The following PCDHGB4 variants were observed in gnomAD, a reference collection of about 807,000 sequenced individuals.
PCDHGB4 encodes the protein protocadherin gamma-B4.
A neutral mutation model predicts 60.5 loss-of-function variants in PCDHGB4; 38 were observed. The observed-to-expected ratio is 0.63, with a 90% confidence interval of 0.48 to 0.82. The LOEUF (loss-of-function observed/expected upper bound fraction) is 0.82. Among genes scored for constraint, PCDHGB4 ranks in the 40% least tolerant of loss-of-function variants. The probability of loss-of-function intolerance (pLI) is 0.00; values close to 1 mark genes in which losing one functional copy is unlikely to be tolerated. For missense variants in PCDHGB4, 1,109 were observed against 1,209.6 expected (o/e 0.92, Z 1.23); for synonymous variants, 456 against 509.7 (o/e 0.89, Z 1.42).
At chr5:141,427,957 C>A in intron 1 of PCDHGB4, 2 of 1,588,400 alleles carry the variant, frequency 1.3e-6, no homozygotes, top group Non-Finnish European at 1.7e-6. Flanking sequence ...GACAATGTGC[C>A]GCGGGTGCTG....
At position 141,393,264 on chromosome 5, in the gene PCDHGB4, C is replaced by G. The variant is rs537186931; in HGVS notation, c.2397+2983C>G. The G allele has an allele frequency of 1.1e-4, 170 of 1,613,916 alleles. 3 individuals carry two copies. The South Asian group carries it at 1.8e-3, about 17-fold the overall frequency. On this transcript the variant is annotated intron_variant, in intron 1 of 3. Coordinates refer to ENST00000519479, the MANE Select transcript of PCDHGB4 (RefSeq NM_003736.4). ...TAACGAAATCGCGGTTCCTGGAGCA[C>G]GTTATCCACTCCCAGAAGCTGTTGA...
intron 1 of PCDHGB4, among the ~76,000 whole-genome samples, chr5:141,405,996 G>A (rs2094743914): frequency 6.6e-6 from 1 of 151,746 alleles, no homozygotes; most frequent in Non-Finnish European, 1.5e-5. Flanking sequence ...GTAGCTCTCA[G>A]CCTGCATTGA....
chr5:141,423,238 G>C (rs765040062), intron 1 of PCDHGB4: 4 of 1,613,778 alleles, frequency 2.5e-6, no homozygotes, highest in South Asian at 2.2e-5. Context: ...CAGCATCCCC[G>C]AAGTCCTGGC....
intron 2 of PCDHGB4, among the ~76,000 whole-genome samples, chr5:141,502,759 C>T (rs535899844): frequency 9.9e-5 from 15 of 152,130 alleles, no homozygotes; most frequent in African/African-American, 3.6e-4. Context: ...CATGTATTTG[C>T]TGGTATTCTT....
intron 1 of PCDHGB4, chr5:141,418,015 G>C: frequency 6.2e-7 from 1 of 1,613,964 alleles, no homozygotes; most frequent in Non-Finnish European, 8.5e-7. Context: ...ACCTCGCTAA[G>C]GATCTAGGGC....
intron 1 of PCDHGB4, chr5:141,393,114 CG>C: frequency 6.2e-7 from 1 of 1,613,418 alleles, no homozygotes; most frequent in Non-Finnish European, 8.5e-7. Flanking sequence ...TCAGAGCCCG[CG>C]GTGTCTGATA....
At chr5:141,419,523 G>C in intron 1 of PCDHGB4, 1 of 1,612,204 alleles carries the variant, frequency 6.2e-7, no homozygotes, top group Non-Finnish European at 8.5e-7. Flanking sequence ...GTGGGCGACC[G>C]TAACGACAAC....
At position 141,419,598 on chromosome 5, in the gene PCDHGB4, G is replaced by A. The variant is rs1466867194; in HGVS notation, c.2397+29317G>A. On this transcript the variant is annotated intron_variant, in intron 1 of 3. Transcript: ENST00000519479. ...TCCGCGCTCTTCGACACAGTGCCGC[G>A]GGCCGCGCAGCCAGGCTACCTGGTG... 21 of 1,611,674 alleles carry A rather than the reference G, an allele frequency of 1.3e-5. No individual in the cohort carries two copies. In the South Asian group the frequency reaches 1.3e-4, roughly 10 times the overall value.
intron 2 of PCDHGB4, among the ~76,000 whole-genome samples, chr5:141,498,555 C>T (rs2099784323): frequency 6.6e-6 from 1 of 152,032 alleles, no homozygotes; most frequent in South Asian, 2.1e-4. Flanking sequence ...GACACACCAG[C>T]TTCAAAGCAG....
At chr5:141,406,567 T>A (rs1270084196) in intron 1 of PCDHGB4, among the ~76,000 whole-genome samples, 2 of 152,224 alleles carry the variant, frequency 1.3e-5, no homozygotes, top group African/African-American at 4.8e-5. Context: ...TTCCAAACCC[T>A]AGTAAACCAA....
Position 141,490,522 on chromosome 5 carries a change from G to A in PCDHGB4, c.2398-4285G>A, listed in dbSNP as rs191201177. ...CTATATCATCGAGCTGCTGGCCAGC[G>A]ATGCTGGTTCACCTTCCCTACACAA... On this transcript the variant is annotated intron_variant, in intron 1 of 3. Transcript: ENST00000519479. This position sits in a 1 kb window ranked among gnomAD's most constrained non-coding sequence, Gnocchi z 5.4. 5.0e-6 allele frequency: 8 copies of A among 1,614,054 alleles called. No homozygotes were observed. Among genetic ancestry groups the A allele is most frequent in the Admixed American group, 3.3e-5 (2 of 60,010 alleles).
chr5:141,429,476 A>T (rs1279691939), intron 1 of PCDHGB4, among the ~76,000 whole-genome samples: 1 of 152,112 alleles, frequency 6.6e-6, no homozygotes, highest in Non-Finnish European at 1.5e-5. Flanking sequence ...CAATCTCCAG[A>T]GTAGCTGAGA....
At chr5:141,505,323 G>C in intron 2 of PCDHGB4, 70 bp from the exon 3 acceptor site, 1 of 1,606,758 alleles carries the variant, frequency 6.2e-7, no homozygotes, top group South Asian at 1.1e-5. Flanking sequence ...GGGAGCCCTG[G>C]GAGAGGACAG....
chr5:141,426,369 A>G, intron 1 of PCDHGB4: 1 of 205,906 alleles, frequency 4.9e-6, no homozygotes, highest in Non-Finnish European at 1.0e-5. Context: ...TCTGCGGGGC[A>G]CCCTCGGAGC....
In PCDHGB4 at chr5:141,511,067, C is replaced by T. The variant is rs760786015; in HGVS notation, c.2666C>T (p.Pro889Leu). The change falls in exon 4 of 4, where the codon CCA (proline) becomes CTA (leucine). Residue 889 changes from proline (P) to leucine (L), a missense_variant. Pro to Leu is a moderately conservative substitution (Grantham distance 98). Coordinates refer to ENST00000519479, the MANE Select transcript of PCDHGB4 (RefSeq NM_003736.4). ...VPDYRQNVYI[P>L]GSNATLTNAA... ...GACTACCGCCAGAATGTCTACATCC[C>T]AGGCAGCAATGCCACACTGACCAAC... 7.4e-6 allele frequency: 12 copies of T among 1,614,136 alleles called. No homozygotes were observed. Among genetic ancestry groups the T allele is most frequent in the African/African-American group, 1.3e-5 (1 of 74,942 alleles).
chr5:141,417,830 G>C (rs2096166388), intron 1 of PCDHGB4: 1 of 1,527,028 alleles, frequency 6.5e-7, no homozygotes, highest in African/African-American at 1.4e-5. Flanking sequence ...AACTGGAAAA[G>C]CGGGGACCCA....
At chr5:141,403,972 A>G in intron 1 of PCDHGB4, 1 of 1,613,968 alleles carries the variant, frequency 6.2e-7, no homozygotes, top group East Asian at 2.2e-5. Flanking sequence ...TGGAAGATGT[A>G]AATGACAATA....
At chr5:141,497,212 G>T (rs968445663) in intron 2 of PCDHGB4, among the ~76,000 whole-genome samples, 3 of 150,900 alleles carry the variant, frequency 2.0e-5, no homozygotes, top group Non-Finnish European at 3.0e-5. Context: ...AGTGTAATGG[G>T]GGGGGGAAGA....
At chr5:141,413,524 A>G (rs772774054) in intron 1 of PCDHGB4, 7 of 1,613,974 alleles carry the variant, frequency 4.3e-6, no homozygotes, top group Non-Finnish European at 5.9e-6. Flanking sequence ...TGTGGAAGAC[A>G]GGGTGAAACT....
Sources: gnomAD v4.1 joint callset for allele counts (sites outside exome capture counted in the v4.1 genomes callset) on GRCh38, gnomAD v4.1.1 for gene constraint, Gnocchi (gnomAD v3.1) non-coding constraint, MANE v1.5 for transcripts, NCBI Gene and HGNC (gene_info 2026-07-23, HGNC 2026-07-21) for gene names.